TMEM63B: variants seen among roughly 807,000 people sequenced by gnomAD.
The protein encoded by TMEM63B is mechanosensitive cation channel TMEM63B.
TMEM63B carries 23 observed loss-of-function variants against 102.6 expected under a neutral mutation model. The ratio of observed to expected loss-of-function variants is 0.22; its 90% CI spans 0.16 to 0.32. TMEM63B has a LOEUF of 0.32. Among genes scored for constraint, TMEM63B ranks in the 10% least tolerant of loss-of-function variants. The probability of loss-of-function intolerance (pLI) is 1.00; values close to 1 mark genes in which losing one functional copy is unlikely to be tolerated. For missense variants in TMEM63B, 628 were observed against 1,095.9 expected (o/e 0.57, Z 6.03); for synonymous variants, 444 against 437.0 (o/e 1.02, Z -0.20).
At position 44,152,735 on chromosome 6, in the gene TMEM63B, G is replaced by T; in HGVS notation, c.1942+37G>T. 3 of 1,542,952 alleles carry T rather than the reference G, an allele frequency of 1.9e-6. No individual in the cohort carries two copies. The highest frequency in any genetic ancestry group is 2.7e-6 in the Non-Finnish European group (3 of 1,127,264). ...CGCGCCGGGACCTGGGCCCTGCTCG[G>T]GGGGACCCAGGACTTCACCCTCTCC... On this transcript the variant is annotated intron_variant, in intron 20 of 23. Coordinates refer to ENST00000323267, the MANE Select transcript of TMEM63B (RefSeq NM_018426.3). The surrounding 1 kb of genome is among the most constrained non-coding windows in gnomAD (Gnocchi z 6.4).
intron 6 of TMEM63B, among the ~76,000 whole-genome samples, 195 bp from the exon 7 acceptor site, chr6:44,139,272 C>T (rs753816204): frequency 6.6e-6 from 1 of 152,076 alleles, no homozygotes. Context: ...CTCCCTCCCC[C>T]TCTCTTCTCC....
At chr6:44,139,980 AG>A (rs1235378789) in intron 8 of TMEM63B, among the ~76,000 whole-genome samples, 6 of 152,286 alleles carry the variant, frequency 3.9e-5, no homozygotes, top group Non-Finnish European at 8.8e-5. Flanking sequence ...CTCAGGAACC[AG>A]GGAGGGCCAG....
At chr6:44,132,804 C>G (rs946499815) in intron 1 of TMEM63B, among the ~76,000 whole-genome samples, 1 of 152,238 alleles carries the variant, frequency 6.6e-6, no homozygotes. Context: ...CACAGGTTCT[C>G]TGGCCTGAGA....
chr6:44,130,096 A>G (rs975450661), intron 1 of TMEM63B, among the ~76,000 whole-genome samples: 11 of 152,230 alleles, frequency 7.2e-5, no homozygotes, highest in Non-Finnish European at 1.6e-4. Context: ...GCAAGCAGGT[A>G]GAAATAGGGT....
rs778748792 is a variant in TMEM63B at position 44,152,045 on chromosome 6, C to T, written c.1836+37C>T. ...TGGGGCAGCAGCGGCCCGCACAGCG[C>T]CCCCTGGTGGCCCAACAAGAAACAG... On this transcript the variant is annotated intron_variant, in intron 19 of 23. Coordinates refer to ENST00000323267, the MANE Select transcript of TMEM63B (RefSeq NM_018426.3). This position sits in a 1 kb window ranked among gnomAD's most constrained non-coding sequence, Gnocchi z 6.4. The T allele has an allele frequency of 9.7e-6, 15 of 1,552,192 alleles. No individual in the cohort carries two copies. The highest frequency in any genetic ancestry group is 1.0e-5 in the Non-Finnish European group (12 of 1,152,752).
At position 44,136,556 on chromosome 6, in the gene TMEM63B, C is replaced by T. The variant is rs527577986; in HGVS notation, c.369+117C>T. On this transcript the variant is annotated intron_variant, in intron 5 of 23. Transcript: ENST00000323267. ...AGGGATGCTGGTTTGGCCTCCTCCTCAGCAAAGAAAGTGATTCAACCAAGG... is the reference window on the plus strand; with the variant it reads ...AGGGATGCTGGTTTGGCCTCCTCCTTAGCAAAGAAAGTGATTCAACCAAGG... 40 of 738,442 alleles carry T rather than the reference C, an allele frequency of 5.4e-5. No individual in the cohort carries two copies. The East Asian group carries it at 9.1e-4, about 17-fold the overall frequency. 45.7% of individuals were successfully genotyped at this position (738,442 alleles called of 1,614,324 possible). A position where few individuals can be genotyped will look rare whatever the true frequency, so the allele number is the denominator to read the frequency against.
chr6:44,153,547 G>A (rs181739802), intron 20 of TMEM63B, 129 bp from the exon 21 acceptor site: 70 of 1,095,460 alleles, frequency 6.4e-5, no homozygotes, highest in African/African-American at 6.0e-4. Context: ...GCACTATCCC[G>A]TCCTGGGGCC....
intron 6 of TMEM63B, chr6:44,138,735 G>GGCCCC: frequency 3.9e-6 from 1 of 259,582 alleles, no homozygotes; most frequent in East Asian, 6.3e-5. Flanking sequence ...ACCCCCTGCC[G>GGCCCC]GCCCCCCCGC....
chr6:44,154,268 G>A (rs2128279722), intron 22 of TMEM63B, 80 bp downstream of exon 22: 1 of 1,597,300 alleles, frequency 6.3e-7, no homozygotes, highest in East Asian at 2.2e-5. Flanking sequence ...GGGCTGGCGA[G>A]GGCTGAGGGC....
chr6:44,152,146 G>T lies in TMEM63B; in HGVS notation c.1836+138G>T. ...TACAGTTGACTCACGGTGGATCCGG[G>T]CCATCCCCTTCCCATATCTGGGGCC... On this transcript the variant is annotated intron_variant, in intron 19 of 23. Coordinates refer to ENST00000323267, the MANE Select transcript of TMEM63B (RefSeq NM_018426.3). This position sits in a 1 kb window ranked among gnomAD's most constrained non-coding sequence, Gnocchi z 6.4. The T allele has an allele frequency of 8.8e-7, 1 of 1,133,840 alleles. No homozygotes were observed. The highest frequency in any genetic ancestry group is 2.7e-5 in the East Asian group (1 of 37,488). 70.2% of individuals were successfully genotyped at this position (1,133,840 alleles called of 1,614,324 possible).
chr6:44,154,530 C>T, intron 23 of TMEM63B, 85 bp downstream of exon 23: 1 of 1,566,890 alleles, frequency 6.4e-7, no homozygotes, highest in Non-Finnish European at 8.8e-7. Flanking sequence ...GAAAGGGGAA[C>T]CTGTGCCAGA....
chr6:44,142,104 A>T (rs576506303), intron 10 of TMEM63B, among the ~76,000 whole-genome samples: 2 of 150,412 alleles, frequency 1.3e-5, no homozygotes, highest in South Asian at 4.2e-4. Context: ...TGGGTGACAG[A>T]GCAAGACCCT....
At chr6:44,133,257 C>T (rs1368731579) in intron 1 of TMEM63B, among the ~76,000 whole-genome samples, 1 of 152,148 alleles carries the variant, frequency 6.6e-6, no homozygotes, top group Non-Finnish European at 1.5e-5. Flanking sequence ...TAAACAACTC[C>T]ATCCTCCCCT....
At chr6:44,135,250 A>G (rs2128226654) in intron 3 of TMEM63B, 78 bp from the exon 4 acceptor site, 1 of 1,573,740 alleles carries the variant, frequency 6.4e-7, no homozygotes, top group East Asian at 2.3e-5. Context: ...TGAGGGCCCT[A>G]AGTTGGGCCC....
In TMEM63B at chr6:44,150,697, C is replaced by T. The variant is rs1350348888; in HGVS notation, c.1673+68C>T. 3 of 1,499,708 alleles carry T rather than the reference C, an allele frequency of 2.0e-6. No individual in the cohort carries two copies. The highest frequency in any genetic ancestry group is 4.6e-5 in the East Asian group (2 of 43,908). 92.9% of individuals were successfully genotyped at this position (1,499,708 alleles called of 1,614,324 possible). On this transcript the variant is annotated intron_variant, in intron 18 of 23. Coordinates refer to ENST00000323267, the MANE Select transcript of TMEM63B (RefSeq NM_018426.3). The surrounding 1 kb of genome is among the most constrained non-coding windows in gnomAD (Gnocchi z 4.7). ...GGTGGGTATGCTTGAGAGACATTGCCAGCCCCATGGGAGGGTGCAACAAAG... is the reference window on the plus strand; with the variant it reads ...GGTGGGTATGCTTGAGAGACATTGCTAGCCCCATGGGAGGGTGCAACAAAG...
intron 9 of TMEM63B, 142 bp from the exon 10 acceptor site, chr6:44,140,886 C>T: frequency 1.4e-6 from 1 of 704,370 alleles, no homozygotes. Context: ...GGCCTCCTCC[C>T]ACCCCATCTG....
At chr6:44,134,507 G>C in intron 1 of TMEM63B, 54 bp from the exon 2 acceptor site, 1 of 1,559,030 alleles carries the variant, frequency 6.4e-7, no homozygotes, top group Non-Finnish European at 8.7e-7. Flanking sequence ...CCACCCTACT[G>C]GGCCATGAAG....
upstream of TMEM63B, chr6:44,127,078 C>G (rs1013490745): frequency 2.0e-5 from 3 of 151,492 alleles, no homozygotes; most frequent in Non-Finnish European, 4.4e-5. Context: ...AGCAGGTGAG[C>G]GCCGGCCACG....
At chr6:44,145,250 G>A (rs967468172) in intron 10 of TMEM63B, among the ~76,000 whole-genome samples, 59 of 150,010 alleles carry the variant, frequency 3.9e-4, no homozygotes, top group Admixed American at 3.5e-3. Context: ...ACTCCAGCCT[G>A]GGCGACAGAG....
Sources: gnomAD v4.1 joint callset for allele counts (sites outside exome capture counted in the v4.1 genomes callset) on GRCh38, gnomAD v4.1.1 for gene constraint, Gnocchi (gnomAD v3.1) non-coding constraint, MANE v1.5 for transcripts, NCBI Gene and HGNC (gene_info 2026-07-23, HGNC 2026-07-21) for gene names.